CDH2: variants seen among roughly 807,000 people sequenced by gnomAD.
CDH2 encodes cadherin 2.
Under a neutral mutation model 92.0 loss-of-function variants are expected in CDH2, and 17 were observed. The ratio of observed to expected loss-of-function variants is 0.18; its 90% CI spans 0.13 to 0.28. CDH2 has a LOEUF of 0.28. Ranked by LOEUF, CDH2 falls within the 10% of genes least tolerant of loss-of-function variation. The probability of loss-of-function intolerance (pLI) is 1.00; values close to 1 mark genes in which losing one functional copy is unlikely to be tolerated. For synonymous variants in CDH2, 419 were observed against 415.9 expected (o/e 1.01, Z -0.09); for missense variants, 862 against 1,133.1 (o/e 0.76, Z 3.44).
intron 14 of CDH2, among the ~76,000 whole-genome samples, chr18:27,969,466 GATGTAAA>G (rs1439798337): frequency 3.3e-5 from 5 of 152,272 alleles, no homozygotes; most frequent in African/African-American, 9.6e-5. Context: ...TTCACTCTTT[GATGTAAA>G]ATTACACTTC....
rs370256875 is a variant in CDH2 at position 28,062,964 on chromosome 18, C to CT, written c.173-49056dup. On this transcript the variant is annotated intron_variant, in intron 2 of 15. Transcript: ENST00000269141. ...CTCCAGCCTGGGTGACAGATCATGACTCTGTCTCAGAAACACACATTTCAT... is the reference window on the plus strand; with the variant it reads ...CTCCAGCCTGGGTGACAGATCATGACTTCTGTCTCAGAAACACACATTTCAT... Among the ~76,000 whole-genome samples, 445 of 152,012 alleles carry CT rather than the reference C, an allele frequency of 2.9e-3. 2 individuals carry two copies. Among genetic ancestry groups the CT allele is most frequent in the African/African-American group, 0.01 (424 of 41,536 alleles).
At chr18:28,083,031 T>C (rs1035873002) in intron 2 of CDH2, among the ~76,000 whole-genome samples, 1 of 152,192 alleles carries the variant, frequency 6.6e-6, no homozygotes, top group African/African-American at 2.4e-5. Context: ...CAAAAAAGAA[T>C]GTTGATATTC....
Position 28,077,350 on chromosome 18 carries a change from A to C in CDH2, c.173-63441T>G, listed in dbSNP as rs17535922. On this transcript the variant is annotated intron_variant, in intron 2 of 15. Coordinates refer to ENST00000269141, the MANE Select transcript of CDH2 (RefSeq NM_001792.5). ...GAATCTCCTAAACGAACAACATGAA[A>C]ATTTACAAAGGAAGATGTTACCGGA... 5.4e-3 allele frequency among the ~76,000 whole-genome samples: 818 copies of C among 152,302 alleles called. 11 individuals are homozygous for C. The highest frequency in any genetic ancestry group is 0.019 in the African/African-American group (772 of 41,554).
chr18:28,148,999 T>C (rs1417475939), intron 1 of CDH2, among the ~76,000 whole-genome samples: 1 of 152,216 alleles, frequency 6.6e-6, no homozygotes, highest in Non-Finnish European at 1.5e-5. Flanking sequence ...AGTGAGATAC[T>C]AGTTCAGGCC....
chr18:28,082,482 T>C (rs760518270), intron 2 of CDH2, among the ~76,000 whole-genome samples: 25 of 152,168 alleles, frequency 1.6e-4, no homozygotes, highest in Non-Finnish European at 2.9e-4. Flanking sequence ...TAACAAAGAT[T>C]GGCCAGCCTA....
chr18:28,131,750 C>G lies in CDH2; in HGVS notation c.172+15923G>C, dbSNP rs1050686933. ...TCCTACAGCTCAGTTAAAATTTCAT[C>G]TTACCTACTATTTTCCACTAATTTG... On this transcript the variant is annotated intron_variant, in intron 2 of 15. Coordinates refer to ENST00000269141, the MANE Select transcript of CDH2 (RefSeq NM_001792.5). Among the ~76,000 whole-genome samples, 6 of 151,114 alleles carry G rather than the reference C, an allele frequency of 4.0e-5. No individual in the cohort carries two copies. The Admixed American group carries it at 4.0e-4, about 10-fold the overall frequency.
intron 5 of CDH2, among the ~76,000 whole-genome samples, chr18:28,006,410 T>G (rs2144018976): frequency 6.6e-6 from 1 of 152,030 alleles, no homozygotes; most frequent in African/African-American, 2.4e-5. Context: ...GAAGACAGAC[T>G]TAAGGTAATT....
intron 8 of CDH2, 73 bp from the exon 9 acceptor site, chr18:27,992,913 C>T: frequency 9.0e-7 from 1 of 1,116,200 alleles, no homozygotes; most frequent in South Asian, 1.7e-5. Flanking sequence ...GATGACCACA[C>T]CGTCCGATTT....
Position 27,993,536 on chromosome 18 carries a change from A to G in CDH2, c.1122T>C (p.Asp374=). Residue 374 remains aspartate, a synonymous_variant, in exon 8 of 16, where the codon GAT becomes GAC. Transcript: ENST00000269141. ...NTATAVITVT[D]VNDNPPEFTA... Reference sequence around the variant, plus strand: ...TAAACTCTGGAGGATTGTCATTGACATCTGTCACTGTGATGACGGCCGTGG... The same window carrying G: ...TAAACTCTGGAGGATTGTCATTGACGTCTGTCACTGTGATGACGGCCGTGG... 6.2e-7 allele frequency: 1 copy of G among 1,614,194 alleles called. No individual in the cohort carries two copies. The highest frequency in any genetic ancestry group is 8.5e-7 in the Non-Finnish European group (1 of 1,180,014).
chr18:28,095,103 T>C (rs1490853636), intron 2 of CDH2, among the ~76,000 whole-genome samples: 1 of 152,170 alleles, frequency 6.6e-6, no homozygotes, highest in African/African-American at 2.4e-5. Context: ...GTCAGTTAAC[T>C]AGGGACTCAA....
At chr18:27,991,188 C>T (rs921225981) in intron 9 of CDH2, among the ~76,000 whole-genome samples, 4 of 152,032 alleles carry the variant, frequency 2.6e-5, no homozygotes, top group East Asian at 1.9e-4. Flanking sequence ...TGTTCACCTG[C>T]GAATGGATGT....
rs1909471616 is a variant in CDH2, at chr18:27,951,851, A to C, written c.*302T>G. On this transcript the variant is annotated 3_prime_UTR_variant, in exon 16 of 16. Coordinates refer to ENST00000269141, the MANE Select transcript of CDH2 (RefSeq NM_001792.5). The stretch of plus-strand genomic sequence containing the variant: ...TTGTCTTTTACTTATCGTTTCAGAA[A>C]TCAGTACCATTAAAGCCTTAAACAG... 1 of 312,268 alleles carries C rather than the reference A, an allele frequency of 3.2e-6. No individual in the cohort carries two copies. The highest frequency in any genetic ancestry group is 4.7e-5 in the South Asian group (1 of 21,158). The allele number at this position is 312,268 out of a possible 1,614,324, so 19.3% of individuals were successfully genotyped here. A position where few individuals can be genotyped will look rare whatever the true frequency, so the allele number is the denominator to read the frequency against.
At chr18:28,145,167 T>C (rs531150515) in intron 2 of CDH2, among the ~76,000 whole-genome samples, 2 of 152,066 alleles carry the variant, frequency 1.3e-5, no homozygotes, top group Non-Finnish European at 2.9e-5. Flanking sequence ...ATCCTAAGAA[T>C]GTATATTGTA....
At chr18:27,987,411 T>C (rs1346415860) in intron 11 of CDH2, among the ~76,000 whole-genome samples, 3 of 152,232 alleles carry the variant, frequency 2.0e-5, no homozygotes, top group Non-Finnish European at 4.4e-5. Flanking sequence ...TTTCTACAGA[T>C]AGTAATCTCA....
At chr18:28,087,026 G>A (rs2014944154) in intron 2 of CDH2, among the ~76,000 whole-genome samples, 1 of 152,182 alleles carries the variant, frequency 6.6e-6, no homozygotes, top group African/African-American at 2.4e-5. Context: ...TGCCCAGAGT[G>A]ACTGAATGGC....
chr18:28,046,545 A>C (rs191650481), intron 2 of CDH2, among the ~76,000 whole-genome samples: 53 of 152,322 alleles, frequency 3.5e-4, no homozygotes, highest in African/African-American at 1.3e-3. Context: ...AAAATCATAT[A>C]TTACTGAATC....
chr18:27,988,718 A>G (rs2012316157), intron 10 of CDH2, 52 bp from the exon 11 acceptor site: 8 of 1,387,132 alleles, frequency 5.8e-6, no homozygotes, highest in Non-Finnish European at 8.1e-6. Flanking sequence ...TTAAAAAAAC[A>G]TATTTTACAG....
At chr18:28,002,239 G>A (rs1034253857) in intron 7 of CDH2, among the ~76,000 whole-genome samples, 1 of 152,174 alleles carries the variant, frequency 6.6e-6, no homozygotes, top group African/African-American at 2.4e-5. Context: ...GCCTGGCCAA[G>A]GGGATCACAT....
intron 7 of CDH2, among the ~76,000 whole-genome samples, 198 bp downstream of exon 7, chr18:28,002,799 G>T (rs2012806166): frequency 6.6e-6 from 1 of 152,114 alleles, no homozygotes. Flanking sequence ...GGCTAGCATT[G>T]ATTTATCCAG....
Sources: allele counts gnomAD v4.1 joint callset (sites outside exome capture counted in the v4.1 genomes callset), GRCh38; gene constraint gnomAD v4.1.1; transcripts MANE v1.5; gene names NCBI Gene and HGNC (gene_info 2026-07-23, HGNC 2026-07-21).